Variants in MYO18A observed in about 807,000 individuals in gnomAD.
The protein encoded by MYO18A is myosin XVIIIA, also known as unconventional myosin-XVIIIa.
Under a neutral mutation model 235.8 loss-of-function variants are expected in MYO18A, and 78 were observed. That is an observed-to-expected ratio of 0.33 (90% CI 0.28 to 0.40). The LOEUF (loss-of-function observed/expected upper bound fraction) is 0.40, where lower values mean the gene tolerates loss of function less well. Among genes scored for constraint, MYO18A ranks in the 10% least tolerant of loss-of-function variants. The pLI is 1.00. For missense variants in MYO18A, 2,215 were observed against 2,699.3 expected (o/e 0.82, Z 3.98); for synonymous variants, 977 against 1,077.8 (o/e 0.91, Z 1.83).
rs1330625929 is a variant in MYO18A, at chr17:29,116,479, C to T, written c.2039-24G>A. ...TTCTGTAAGGCAAAGGACCAGCATG[C>T]AGCATGCAAAGAAAAACAGTGTGTT... On this transcript the variant is annotated intron_variant, in intron 10 of 41. Transcript: ENST00000527372. 2.5e-6 allele frequency: 4 copies of T among 1,613,838 alleles called. No individual in the cohort carries two copies. In the Admixed American group the frequency reaches 6.7e-5, roughly 27 times the overall value.
At chr17:29,175,364 CTTTT>C (rs34825590) in intron 1 of MYO18A, among the ~76,000 whole-genome samples, 6 of 133,008 alleles carry the variant, frequency 4.5e-5, no homozygotes, top group Admixed American at 7.6e-5. Context: ...TTTATTTCAT[CTTTT>C]TTTTTTTTTT....
Position 29,098,818 on chromosome 17 carries a change from T to A in MYO18A, c.3780+8A>T. The A allele has an allele frequency of 1.2e-5, 19 of 1,613,914 alleles. No individual in the cohort carries two copies. The highest frequency in any genetic ancestry group is 1.6e-5 in the Non-Finnish European group (19 of 1,179,818). ...CCAGAGACTTGGCCCTCTCAGGCTGTCACATACGTCTTTGTTCCGGATCTG... is the reference window on the plus strand; with the variant it reads ...CCAGAGACTTGGCCCTCTCAGGCTGACACATACGTCTTTGTTCCGGATCTG... On this transcript the variant is annotated splice_region_variant and intron_variant, in intron 23 of 41. Transcript: ENST00000527372.
chr17:29,079,419 G>A (rs1339597441), intron 41 of MYO18A, among the ~76,000 whole-genome samples: 6 of 152,218 alleles, frequency 3.9e-5, no homozygotes, highest in Admixed American at 6.5e-5. Flanking sequence ...ACTTTGTTAC[G>A]GAGTTACTGT....
intron 2 of MYO18A, among the ~76,000 whole-genome samples, chr17:29,152,189 C>T (rs1156822019): frequency 1.3e-5 from 2 of 152,276 alleles, no homozygotes; most frequent in South Asian, 2.1e-4. Context: ...CTGGAACTGG[C>T]AGGTCAGGAC....
intron 2 of MYO18A, among the ~76,000 whole-genome samples, chr17:29,131,732 C>G (rs919324454): frequency 6.6e-6 from 1 of 152,268 alleles, no homozygotes; most frequent in African/African-American, 2.4e-5. Flanking sequence ...GGTCCACCCA[C>G]AGTGCCATCG....
chr17:29,093,923 A>T, intron 31 of MYO18A, 57 bp downstream of exon 31: 1 of 1,307,328 alleles, frequency 7.6e-7, no homozygotes, highest in Non-Finnish European at 1.1e-6. Context: ...CCCTTACTTT[A>T]AAGCGGTGAT....
chr17:29,139,876 G>A (rs866507143), intron 2 of MYO18A, among the ~76,000 whole-genome samples: 1 of 152,138 alleles, frequency 6.6e-6, no homozygotes, highest in African/African-American at 2.4e-5. Context: ...CCCCTCTCAA[G>A]GAGGAAGAGA....
In MYO18A at chr17:29,079,178, G is replaced by A. The variant is rs149497424; in HGVS notation, c.6020+3138C>T. 2.5e-3 allele frequency among the ~76,000 whole-genome samples: 381 copies of A among 152,278 alleles called. 6 individuals are homozygous for A. The highest frequency in any genetic ancestry group is 0.02 in the Admixed American group (313 of 15,298). ...ACCTTTCCTGGCCCCAGCCTGTTGG[G>A]GCCATGAATGAAAGCTCCTGAATGG... On this transcript the variant is annotated intron_variant, in intron 41 of 41. Transcript: ENST00000527372.
Position 29,074,204 on chromosome 17 carries a change from G to A in MYO18A, c.*566C>T, listed in dbSNP as rs754015461. The A allele has an allele frequency of 3.2e-6, 5 of 1,587,024 alleles. No homozygotes were observed. The highest frequency in any genetic ancestry group is 2.6e-6 in the Non-Finnish European group (3 of 1,163,466). The stretch of plus-strand genomic sequence containing the variant: ...GGGTGAAGATGGAGATGACATTCCC[G>A]AGTCGTTCTTGGGAGCCCCAGCTAC... On this transcript the variant is annotated 3_prime_UTR_variant, in exon 42 of 42. Coordinates refer to ENST00000527372, the MANE Select transcript of MYO18A (RefSeq NM_078471.4). This position sits in a 1 kb window ranked among gnomAD's most constrained non-coding sequence, Gnocchi z 4.4.
rs1343321887 is a variant in MYO18A at position 29,073,204 on chromosome 17, CT to C, written c.*1565del. ...ACAATCAGAGGGACCTCAACATTCC[CT>C]TGTGGAGGCTAGGGAGGATGAGGCT... On this transcript the variant is annotated 3_prime_UTR_variant, in exon 42 of 42. Transcript: ENST00000527372. 1 of 152,180 alleles carries C rather than the reference CT, an allele frequency of 6.6e-6. No individual in the cohort carries two copies. Among genetic ancestry groups the C allele is most frequent in the Non-Finnish European group, 1.5e-5 (1 of 68,042 alleles). The allele number at this position is 152,180 out of a possible 1,614,324, so 9.4% of individuals were successfully genotyped here.
chr17:29,080,374 G>A (rs2066089460), intron 41 of MYO18A: 5 of 986,162 alleles, frequency 5.1e-6, no homozygotes, highest in Non-Finnish European at 6.0e-6. Flanking sequence ...GGGTGGCACC[G>A]ACAGACTGCG....
chr17:29,082,207 A>C, intron 41 of MYO18A, 109 bp downstream of exon 41: 1 of 1,466,266 alleles, frequency 6.8e-7, no homozygotes, highest in Non-Finnish European at 9.4e-7. Context: ...CCGCAGTCAC[A>C]AATGCCAGAC....
Position 29,073,782 on chromosome 17 carries a change from C to CA in MYO18A, c.*987dup. ...GGAAGAATGACACGGGCTCAGGACA[C>CA]AGAGTGAGGACTCATGTCTAATGAG... is the stretch of plus-strand genomic sequence containing the variant. On this transcript the variant is annotated 3_prime_UTR_variant, in exon 42 of 42. Transcript: ENST00000527372. The CA allele has an allele frequency of 6.9e-7, 1 of 1,450,498 alleles. No individual in the cohort carries two copies. The highest frequency in any genetic ancestry group is 9.4e-7 in the Non-Finnish European group (1 of 1,060,136). 89.9% of individuals were successfully genotyped at this position (1,450,498 alleles called of 1,614,324 possible).
At position 29,140,431 on chromosome 17, in the gene MYO18A, T is replaced by G; in HGVS notation, c.1000-18178A>C. On this transcript the variant is annotated intron_variant, in intron 2 of 41. Transcript: ENST00000527372. This position sits in a 1 kb window ranked among gnomAD's most constrained non-coding sequence, Gnocchi z 4.2. The stretch of plus-strand genomic sequence containing the variant: ...TAGCAGCTCAAAATAGCACAGGCTG[T>G]GGCCCCGCCCAGTTCCCGCCCTCTC... 3 of 1,266,180 alleles carry G rather than the reference T, an allele frequency of 2.4e-6. No individual in the cohort carries two copies. The highest frequency in any genetic ancestry group is 3.1e-6 in the Non-Finnish European group (3 of 977,958). The allele number at this position is 1,266,180 out of a possible 1,614,324, so 78.4% of individuals were successfully genotyped here.
chr17:29,075,224 G>A (rs753497021), intron 41 of MYO18A: 3 of 290,938 alleles, frequency 1.0e-5, no homozygotes, highest in South Asian at 1.3e-4. Context: ...TGGCTTTTGG[G>A]TACAACCCAG....
chr17:29,159,070 G>A (rs1252930432), intron 2 of MYO18A, among the ~76,000 whole-genome samples: 1 of 152,122 alleles, frequency 6.6e-6, no homozygotes, highest in Admixed American at 6.5e-5. Flanking sequence ...CCCATACTCA[G>A]GTCAGTGCAG....
At chr17:29,157,246 C>G (rs571542107) in intron 2 of MYO18A, among the ~76,000 whole-genome samples, 1 of 152,230 alleles carries the variant, frequency 6.6e-6, no homozygotes, top group Non-Finnish European at 1.5e-5. Context: ...CCGGCTCCCA[C>G]AAGATTGAAT....
chr17:29,093,278 T>C, intron 32 of MYO18A, 45 bp downstream of exon 32: 1 of 1,535,380 alleles, frequency 6.5e-7, no homozygotes, highest in Non-Finnish European at 8.9e-7. Flanking sequence ...TCAGGCCGCA[T>C]GGGCAGGGAG....
chr17:29,098,481 G>T, intron 23 of MYO18A, 36 bp from the exon 24 acceptor site: 1 of 1,610,318 alleles, frequency 6.2e-7, no homozygotes, highest in Non-Finnish European at 8.5e-7. Context: ...TGAGCCAAAG[G>T]CACTGCGAGG....
Sources: allele counts gnomAD v4.1 joint callset (sites outside exome capture counted in the v4.1 genomes callset), GRCh38; gene constraint gnomAD v4.1.1; non-coding constraint Gnocchi (gnomAD v3.1); transcripts MANE v1.5; gene names NCBI Gene and HGNC (gene_info 2026-07-23, HGNC 2026-07-21).